PHF24: variants seen among roughly 807,000 people sequenced by gnomAD.
The protein encoded by PHF24 is Galpha inhibitory interacting protein.
Under a neutral mutation model 42.6 loss-of-function variants are expected in PHF24, and 25 were observed. The observed-to-expected ratio is 0.59, with a 90% confidence interval of 0.43 to 0.82. The LOEUF (loss-of-function observed/expected upper bound fraction) is 0.82. Ranked by LOEUF, PHF24 falls within the 40% of genes least tolerant of loss-of-function variation. PHF24 has a pLI of 0.00. For missense variants in PHF24, 470 were observed against 538.1 expected (o/e 0.87, Z 1.25); for synonymous variants, 185 against 204.8 (o/e 0.90, Z 0.83).
At chr9:34,762,182 C>G in the PHF24 span, among the ~76,000 whole-genome samples, 9 of 152,000 alleles carry the variant, frequency 5.9e-5, no homozygotes, top group African/African-American at 2.2e-4. Flanking sequence ...TTTATAGCAG[C>G]ATGATTTATA....
At chr9:34,834,826 G>A in the PHF24 span, 1 of 1,539,622 alleles carries the variant, frequency 6.5e-7, no homozygotes, top group Non-Finnish European at 8.7e-7. Flanking sequence ...GCGAAAGTGG[G>A]GAAGAGGGTG....
At chr9:34,841,789 G>A in the PHF24 span, among the ~76,000 whole-genome samples, 1 of 152,130 alleles carries the variant, frequency 6.6e-6, no homozygotes, top group Non-Finnish European at 1.5e-5. Flanking sequence ...ACCAGTTGGC[G>A]GAGGTTGCAG....
the PHF24 span, among the ~76,000 whole-genome samples, chr9:34,841,246 G>A: frequency 3.3e-5 from 5 of 152,158 alleles, no homozygotes; most frequent in East Asian, 1.9e-4. Flanking sequence ...TGATCCTCCC[G>A]TCTCGGCCTC....
chr9:34,779,661 C>T, the PHF24 span, among the ~76,000 whole-genome samples: 3 of 152,164 alleles, frequency 2.0e-5, no homozygotes, highest in Non-Finnish European at 4.4e-5. Context: ...GCATAGTAGA[C>T]ATATAGACAA....
the PHF24 span, among the ~76,000 whole-genome samples, chr9:34,761,399 T>C: frequency 1.1e-4 from 17 of 152,280 alleles, no homozygotes; most frequent in East Asian, 3.1e-3. Context: ...TTCTTGATAC[T>C]AGGAGTACAG....
At chr9:34,922,979 C>A in the PHF24 span, 4 of 1,039,224 alleles carry the variant, frequency 3.8e-6, no homozygotes, top group Non-Finnish European at 5.4e-6. Context: ...CCCCAGTCTA[C>A]CTGGGGGGTG....
the PHF24 span, among the ~76,000 whole-genome samples, chr9:34,687,938 C>T: frequency 6.6e-6 from 1 of 152,168 alleles, no homozygotes; most frequent in Non-Finnish European, 1.5e-5. Flanking sequence ...CTGATGAATG[C>T]AGAAACAGCT....
At chr9:34,758,292 G>A in the PHF24 span, among the ~76,000 whole-genome samples, 119 of 152,268 alleles carry the variant, frequency 7.8e-4, no homozygotes, top group African/African-American at 2.5e-3. This position sits in a 1 kb window ranked among gnomAD's most constrained non-coding sequence, Gnocchi z 4.4. Context: ...GGGTGTGGAC[G>A]TGTAGCTACT....
the PHF24 span, among the ~76,000 whole-genome samples, chr9:34,867,769 G>A: frequency 1.3e-5 from 2 of 152,298 alleles, no homozygotes; most frequent in East Asian, 3.9e-4. Flanking sequence ...CAACTTCTAT[G>A]TTAGGTATGT....
chr9:34,690,075 G>A, the PHF24 span: 2 of 1,595,422 alleles, frequency 1.3e-6, no homozygotes, highest in Admixed American at 1.7e-5. Flanking sequence ...CATGCCTGGG[G>A]ACCATGTCTG....
chr9:34,727,064 A>C, the PHF24 span: 2 of 1,487,700 alleles, frequency 1.3e-6, no homozygotes, highest in Non-Finnish European at 1.8e-6. Flanking sequence ...TGGAGTGGGC[A>C]CTCTCCTTTC....
the PHF24 span, chr9:34,690,148 G>A: frequency 1.8e-5 from 29 of 1,600,366 alleles, no homozygotes; most frequent in Non-Finnish European, 2.1e-5. Flanking sequence ...GGAATAAGAA[G>A]GTGGGAGTCT....
At chr9:34,934,692 C>G in the PHF24 span, among the ~76,000 whole-genome samples, 1 of 152,140 alleles carries the variant, frequency 6.6e-6, no homozygotes, top group South Asian at 2.1e-4. Flanking sequence ...TCTGCCCTTC[C>G]CTTACACAGG....
At chr9:34,724,162 G>A in the PHF24 span, 1 of 1,550,880 alleles carries the variant, frequency 6.4e-7, no homozygotes, top group African/African-American at 1.4e-5. Context: ...GAGGCTCAGG[G>A]CCACAGGGTT....
At chr9:34,798,846 C>A in the PHF24 span, among the ~76,000 whole-genome samples, 1 of 152,236 alleles carries the variant, frequency 6.6e-6, no homozygotes, top group African/African-American at 2.4e-5. Flanking sequence ...TTTCCCTCTT[C>A]TCCACGGCCT....
At chr9:34,811,891 A>G in the PHF24 span, among the ~76,000 whole-genome samples, 98 of 152,376 alleles carry the variant, frequency 6.4e-4, no homozygotes, top group African/African-American at 2.3e-3. Context: ...TGCAAATCAT[A>G]TATCTGATAA....
the PHF24 span, among the ~76,000 whole-genome samples, chr9:34,850,446 G>C: frequency 6.6e-6 from 1 of 152,108 alleles, no homozygotes; most frequent in East Asian, 1.9e-4. Flanking sequence ...TTGGCTTTCA[G>C]CTCCATCAGC....
upstream of PHF24, among the ~76,000 whole-genome samples, chr9:34,955,030 G>T (rs1328724009): frequency 1.3e-5 from 2 of 152,022 alleles, no homozygotes; most frequent in Non-Finnish European, 2.9e-5. Flanking sequence ...AATTTTACAC[G>T]ACAGCACAGC....
the PHF24 span, among the ~76,000 whole-genome samples, chr9:34,825,352 T>C: frequency 0.022 from 3,364 of 150,812 alleles, 132 homozygotes; most frequent in African/African-American, 0.078. Flanking sequence ...GAGGTATGCA[T>C]GTGAAACCAA....
Sources: gnomAD v4.1 joint callset for allele counts (sites outside exome capture counted in the v4.1 genomes callset) on GRCh38, gnomAD v4.1.1 for gene constraint, Gnocchi (gnomAD v3.1) non-coding constraint, MANE v1.5 for transcripts, NCBI Gene and HGNC (gene_info 2026-07-23, HGNC 2026-07-21) for gene names.